TENM4: variants seen among roughly 807,000 people sequenced by gnomAD.
The protein encoded by TENM4 is teneurin-4.
Under a neutral mutation model 243.3 loss-of-function variants are expected in TENM4, and 82 were observed. The observed-to-expected ratio is 0.34, with a 90% CI of 0.28 to 0.40. The LOEUF (loss-of-function observed/expected upper bound fraction) is 0.40, where lower values mean the gene tolerates loss of function less well. Ranked by LOEUF, TENM4 falls within the 10% of genes least tolerant of loss-of-function variation. The pLI, the probability that TENM4 is intolerant of heterozygous loss-of-function variation, is 1.00. For synonymous variants in TENM4, 1,412 were observed against 1,456.3 expected, an observed-to-expected ratio of 0.97 and a Z score of 0.69; for missense variants, 3,138 against 3,673.3, an observed-to-expected ratio of 0.85 and a Z score of 3.77.
chr11:78,909,401 A>G (rs184977732), intron 6 of TENM4, among the ~76,000 whole-genome samples: 1 of 152,244 alleles, frequency 6.6e-6, no homozygotes, highest in Non-Finnish European at 1.5e-5. Context: ...AAACTGACAC[A>G]TAAAGGCTAA....
intron 32 of TENM4, among the ~76,000 whole-genome samples, chr11:78,667,349 A>G (rs1329601886): frequency 6.6e-6 from 1 of 152,192 alleles, no homozygotes; most frequent in East Asian, 1.9e-4. Context: ...GTCAGCAGAA[A>G]CAGGGTCCAG....
intron 3 of TENM4, among the ~76,000 whole-genome samples, chr11:79,211,694 T>C (rs1863960091): frequency 6.6e-6 from 1 of 152,258 alleles, no homozygotes; most frequent in African/African-American, 2.4e-5. Flanking sequence ...AGTAAGGGTT[T>C]ATTATTGTTA....
intron 25 of TENM4, among the ~76,000 whole-genome samples, chr11:78,713,013 G>C (rs1859437343): frequency 6.6e-6 from 1 of 152,204 alleles, no homozygotes; most frequent in Non-Finnish European, 1.5e-5. Flanking sequence ...TGCCATGTTT[G>C]TATCAGGTGC....
chr11:78,805,282 C>CACCCCCCCCACCCCCCCCCCCCT lies in TENM4; in HGVS notation c.2179+9_2179+10insAGGGGGGGGGGGGTGGGGGGGGT. On this transcript the variant is annotated intron_variant, in intron 15 of 33. Transcript: ENST00000278550. ...CCCTCTACCCATGCTTCTTCTCCCC[C>CACCCCCCCCACCCCCCCCCCCCT]TGCATTTACCGATAGAACAGTCGTG... 1 of 995,566 alleles carries CACCCCCCCCACCCCCCCCCCCCT rather than the reference C, an allele frequency of 1.0e-6. No individual in the cohort carries two copies. Among genetic ancestry groups the CACCCCCCCCACCCCCCCCCCCCT allele is most frequent in the South Asian group, 3.2e-5 (1 of 30,966 alleles). The allele number at this position is 995,566 out of a possible 1,614,324, so 61.7% of individuals were successfully genotyped here.
intron 6 of TENM4, among the ~76,000 whole-genome samples, chr11:78,954,868 C>T (rs1422823342): frequency 6.6e-6 from 1 of 152,208 alleles, no homozygotes; most frequent in African/African-American, 2.4e-5. Context: ...CTGGTTTCAT[C>T]CAGTTCTCTC....
intron 6 of TENM4, among the ~76,000 whole-genome samples, chr11:79,016,593 C>G (rs1358617961): frequency 6.6e-6 from 1 of 152,168 alleles, no homozygotes. Flanking sequence ...GCTAAAGATA[C>G]ACATTCGGTT....
intron 12 of TENM4, among the ~76,000 whole-genome samples, chr11:78,846,077 T>C (rs918605373): frequency 1.3e-5 from 2 of 152,172 alleles, no homozygotes; most frequent in Non-Finnish European, 2.9e-5. Context: ...ATGTCACCAC[T>C]CCAGAAACTT....
chr11:79,146,417 C>T (rs1276339934), intron 4 of TENM4, among the ~76,000 whole-genome samples: 2 of 152,076 alleles, frequency 1.3e-5, no homozygotes, highest in Admixed American at 6.6e-5. Context: ...TTAATAATTG[C>T]CAGCCCCATG....
At chr11:79,075,129 G>T (rs1425555827) in intron 4 of TENM4, among the ~76,000 whole-genome samples, 1 of 152,184 alleles carries the variant, frequency 6.6e-6, no homozygotes, top group African/African-American at 2.4e-5. Context: ...CTTACTCAGG[G>T]TTTGCCATAG....
At chr11:79,198,722 T>C (rs1863684025) in intron 3 of TENM4, among the ~76,000 whole-genome samples, 1 of 152,170 alleles carries the variant, frequency 6.6e-6, no homozygotes, top group Non-Finnish European at 1.5e-5. Context: ...GGGGACCTAC[T>C]CTGTGTCAGG....
intron 6 of TENM4, among the ~76,000 whole-genome samples, chr11:78,946,063 C>T (rs1247996934): frequency 6.6e-6 from 1 of 152,212 alleles, no homozygotes; most frequent in Non-Finnish European, 1.5e-5. Flanking sequence ...ATGAAGGTGG[C>T]TACACTAAAC....
chr11:79,191,717 T>C (rs1463895236), intron 3 of TENM4: 1 of 181,370 alleles, frequency 5.5e-6, no homozygotes, highest in Non-Finnish European at 1.1e-5. Context: ...GTCTGAGATG[T>C]GGGGAGCGCC....
intron 6 of TENM4, among the ~76,000 whole-genome samples, chr11:78,917,001 G>A (rs1856330922): frequency 6.6e-6 from 1 of 152,188 alleles, no homozygotes; most frequent in African/African-American, 2.4e-5. Context: ...TCGGCTACAT[G>A]CACTGAGCAA....
At chr11:78,962,886 T>C (rs767427594) in intron 6 of TENM4, among the ~76,000 whole-genome samples, 11 of 152,252 alleles carry the variant, frequency 7.2e-5, no homozygotes, top group Non-Finnish European at 1.2e-4. Context: ...GAGAGAATGA[T>C]TCAAGGCTTC....
At chr11:79,233,101 C>G (rs567774663) in intron 2 of TENM4, among the ~76,000 whole-genome samples, 81 of 152,280 alleles carry the variant, frequency 5.3e-4, no homozygotes, top group Middle Eastern at 3.4e-3. Flanking sequence ...CATGCCAGCC[C>G]CTCTAGAAGC....
intron 2 of TENM4, among the ~76,000 whole-genome samples, chr11:79,251,526 C>A (rs1160855026): frequency 9.2e-5 from 14 of 152,144 alleles, no homozygotes; most frequent in African/African-American, 3.1e-4. Context: ...TCTGTAGGGT[C>A]ACTTTTATCA....
At chr11:79,357,645 G>T (rs1857519989) in intron 1 of TENM4, among the ~76,000 whole-genome samples, 1 of 152,196 alleles carries the variant, frequency 6.6e-6, no homozygotes, top group South Asian at 2.1e-4. Flanking sequence ...TTTTAAACAG[G>T]CAAGTCATAT....
chr11:78,907,087 C>T (rs1166940694), intron 6 of TENM4, among the ~76,000 whole-genome samples: 1 of 152,068 alleles, frequency 6.6e-6, no homozygotes, highest in Non-Finnish European at 1.5e-5. Flanking sequence ...CCCTTTCTAG[C>T]TTGAGAATGT....
chr11:79,163,883 T>C (rs1409907389), intron 3 of TENM4, among the ~76,000 whole-genome samples: 4 of 144,420 alleles, frequency 2.8e-5, no homozygotes, highest in African/African-American at 1.0e-4. Context: ...TATATGTACA[T>C]ATATTATATA....
Sources: gnomAD v4.1 joint callset for allele counts (sites outside exome capture counted in the v4.1 genomes callset) on GRCh38, gnomAD v4.1.1 for gene constraint, MANE v1.5 for transcripts, NCBI Gene and HGNC (gene_info 2026-07-23, HGNC 2026-07-21) for gene names.